CTNNA3: variants seen among roughly 807,000 people sequenced by gnomAD.
The protein encoded by CTNNA3 is catenin alpha-3.
Under a neutral mutation model 95.7 loss-of-function variants are expected in CTNNA3, and 76 were observed. The ratio of observed to expected loss-of-function variants is 0.79; its 90% CI spans 0.66 to 0.96. CTNNA3 has a LOEUF of 0.96. CTNNA3 is among the 40% of genes least tolerant of loss of function. CTNNA3 has a pLI of 0.00. For synonymous variants in CTNNA3, 431 were observed against 374.4 expected, an observed-to-expected ratio of 1.15 and a Z score of -1.74; for missense variants, 1,191 against 1,089.8, an observed-to-expected ratio of 1.09 and a Z score of -1.31.
chr10:65,994,472 A>G (rs1012094292), intron 15 of CTNNA3, among the ~76,000 whole-genome samples: 1 of 150,480 alleles, frequency 6.6e-6, no homozygotes. Flanking sequence ...TGAATGTATC[A>G]TCTCATTCTC....
At chr10:67,428,659 T>G (rs1250943550) in intron 5 of CTNNA3, among the ~76,000 whole-genome samples, 2 of 152,040 alleles carry the variant, frequency 1.3e-5, no homozygotes, top group Non-Finnish European at 2.9e-5. Context: ...GATTTGTCTG[T>G]GTGGGTGTTG....
chr10:65,999,927 C>CA (rs34353272), intron 15 of CTNNA3, among the ~76,000 whole-genome samples: 6,981 of 127,728 alleles, frequency 0.055, 476 homozygotes, highest in African/African-American at 0.17. Flanking sequence ...CAATAATAAT[C>CA]AAAAAAAAAA....
At position 66,953,274 on chromosome 10, in the gene CTNNA3, G is replaced by A. The variant is rs547111969; in HGVS notation, c.1048-177750C>T. On this transcript the variant is annotated intron_variant, in intron 7 of 17. Transcript: ENST00000433211. Reference sequence around the variant, plus strand: ...ATCACAGAAAAGTAATTCTTATGAAGAAGGAAATCATTAATTGTCTTTGAA... The same window carrying A: ...ATCACAGAAAAGTAATTCTTATGAAAAAGGAAATCATTAATTGTCTTTGAA... Among the ~76,000 whole-genome samples the A allele has an allele frequency of 3.0e-4, 46 of 152,268 alleles. No individual in the cohort carries two copies. In the South Asian group the frequency reaches 8.3e-3, roughly 27 times the overall value.
chr10:67,321,054 T>C (rs927116488), intron 5 of CTNNA3, among the ~76,000 whole-genome samples: 1 of 152,192 alleles, frequency 6.6e-6, no homozygotes, highest in African/African-American at 2.4e-5. Context: ...TTAAAACCTG[T>C]AAGAATCTTG....
chr10:66,701,828 G>A (rs763880929), intron 9 of CTNNA3, among the ~76,000 whole-genome samples: 2 of 152,222 alleles, frequency 1.3e-5, no homozygotes, highest in East Asian at 1.9e-4. Context: ...TATACATAAT[G>A]AGATATCTTG....
intron 7 of CTNNA3, among the ~76,000 whole-genome samples, chr10:66,805,611 T>C (rs1841611021): frequency 1.3e-5 from 2 of 151,650 alleles, no homozygotes; most frequent in African/African-American, 4.8e-5. Context: ...TTTTCTGAGA[T>C]GTCTATTTTT....
At chr10:66,135,558 A>G (rs192075037) in intron 13 of CTNNA3, among the ~76,000 whole-genome samples, 1 of 152,310 alleles carries the variant, frequency 6.6e-6, no homozygotes, top group African/African-American at 2.4e-5. Flanking sequence ...TAAAATCACT[A>G]TTTTGCTACC....
intron 15 of CTNNA3, among the ~76,000 whole-genome samples, chr10:66,016,614 T>C (rs559135874): frequency 3.9e-5 from 6 of 152,262 alleles, no homozygotes; most frequent in South Asian, 2.1e-4. Context: ...TCTAATTCCA[T>C]TGGGATTCTT....
At chr10:65,955,285 G>A (rs2077705195) in intron 17 of CTNNA3, among the ~76,000 whole-genome samples, 1 of 152,154 alleles carries the variant, frequency 6.6e-6, no homozygotes, top group Admixed American at 6.5e-5. Flanking sequence ...AGGAGATTTT[G>A]GGTTGAGACG....
At chr10:66,176,979 C>T (rs748323685) in intron 13 of CTNNA3, among the ~76,000 whole-genome samples, 1 of 152,046 alleles carries the variant, frequency 6.6e-6, no homozygotes, top group Non-Finnish European at 1.5e-5. Context: ...AGTGTTCTTA[C>T]TTAAAAGGAA....
intron 14 of CTNNA3, among the ~76,000 whole-genome samples, chr10:66,090,318 T>C (rs1564632834): frequency 1.3e-5 from 2 of 152,104 alleles, no homozygotes; most frequent in East Asian, 1.9e-4. Context: ...AAGGTGAATG[T>C]TGCCAAGCTG....
At chr10:67,230,214 AG>A (rs1411068204) in intron 5 of CTNNA3, among the ~76,000 whole-genome samples, 1 of 152,202 alleles carries the variant, frequency 6.6e-6, no homozygotes, top group Non-Finnish European at 1.5e-5. Context: ...AAAAACACAA[AG>A]TGAGGAAAGG....
At chr10:66,523,227 G>T (rs930110979) in intron 10 of CTNNA3, among the ~76,000 whole-genome samples, 2 of 152,158 alleles carry the variant, frequency 1.3e-5, no homozygotes, top group Non-Finnish European at 2.9e-5. Context: ...ACATGTGGTT[G>T]TACTGAAATT....
At chr10:67,368,329 A>T (rs1843291710) in intron 5 of CTNNA3, among the ~76,000 whole-genome samples, 1 of 152,184 alleles carries the variant, frequency 6.6e-6, no homozygotes, top group Non-Finnish European at 1.5e-5. Flanking sequence ...TGCTCACTAG[A>T]ATGGCTGAAA....
chr10:67,356,041 G>T (rs1039915063), intron 5 of CTNNA3, among the ~76,000 whole-genome samples: 3 of 151,826 alleles, frequency 2.0e-5, no homozygotes, highest in Non-Finnish European at 4.4e-5. Context: ...ATCACCACAG[G>T]AAACCCAAAG....
chr10:67,029,581 G>A (rs1231805429), intron 7 of CTNNA3, among the ~76,000 whole-genome samples: 1 of 152,254 alleles, frequency 6.6e-6, no homozygotes, highest in African/African-American at 2.4e-5. Flanking sequence ...TTTTAACATT[G>A]TATTATTTAA....
intron 9 of CTNNA3, among the ~76,000 whole-genome samples, chr10:66,668,422 A>ATATGTGTGTGTGTGTGTGTG (rs1554832734): frequency 6.8e-6 from 1 of 146,988 alleles, no homozygotes; most frequent in South Asian, 2.2e-4. Context: ...CAACTCTCAT[A>ATATGTGTGTGTGTGTGTGTG]TGTGTGTGTG....
intron 1 of CTNNA3, among the ~76,000 whole-genome samples, chr10:67,711,792 T>C (rs1175127403): frequency 7.2e-6 from 1 of 139,596 alleles, no homozygotes; most frequent in Non-Finnish European, 1.5e-5. Context: ...GTCCATGTGA[T>C]CTCGTTGTTC....
chr10:67,095,846 T>C lies in CTNNA3; in HGVS notation c.1047+84471A>G, dbSNP rs192597503. On this transcript the variant is annotated intron_variant, in intron 7 of 17. Coordinates refer to ENST00000433211, the MANE Select transcript of CTNNA3 (RefSeq NM_013266.4). ...TGTTCTCTTCTATAACTCAAATCTA[T>C]TCATGCTGCACATTTACTTTTACAT... Among the ~76,000 whole-genome samples, 269 of 152,032 alleles carry C rather than the reference T, an allele frequency of 1.8e-3. 3 individuals are homozygous for C. The highest frequency in any genetic ancestry group is 6.3e-3 in the African/African-American group (263 of 41,540).
Sources: gnomAD v4.1 joint callset for allele counts (sites outside exome capture counted in the v4.1 genomes callset) on GRCh38, gnomAD v4.1.1 for gene constraint, MANE v1.5 for transcripts, NCBI Gene and HGNC (gene_info 2026-07-23, HGNC 2026-07-21) for gene names.